Variants in PTPRD observed in about 807,000 individuals in gnomAD.
PTPRD encodes protein tyrosine phosphatase receptor type D, also known as receptor-type tyrosine-protein phosphatase delta.
In PTPRD, 34 loss-of-function variants were observed where a neutral mutation model predicts 214.5. That is an observed-to-expected ratio of 0.16 (90% CI 0.12 to 0.21). PTPRD has a LOEUF of 0.21. Among genes scored for constraint, PTPRD ranks in the 10% least tolerant of loss-of-function variants. The pLI, the probability that PTPRD is intolerant of heterozygous loss-of-function variation, is 1.00. For synonymous variants in PTPRD, 1,128 were observed against 845.7 expected, an observed-to-expected ratio of 1.33 and a Z score of -5.79; for missense variants, 2,545 against 2,398.7, an observed-to-expected ratio of 1.06 and a Z score of -1.27.
chr9:9,859,526 T>C (rs1475973259), intron 5 of PTPRD, among the ~76,000 whole-genome samples: 4 of 152,182 alleles, frequency 2.6e-5, no homozygotes, highest in Non-Finnish European at 1.5e-5. Flanking sequence ...CCAAAATAAG[T>C]TTATAATAAT....
intron 7 of PTPRD, among the ~76,000 whole-genome samples, chr9:9,681,091 T>C (rs993844624): frequency 9.9e-5 from 15 of 151,880 alleles, no homozygotes; most frequent in Non-Finnish European, 2.1e-4. Flanking sequence ...TAAGCATATG[T>C]TAGAGTCAAA....
intron 3 of PTPRD, among the ~76,000 whole-genome samples, chr9:10,337,343 C>G (rs983358270): frequency 6.6e-6 from 1 of 151,552 alleles, no homozygotes; most frequent in African/African-American, 2.4e-5. Flanking sequence ...TGCTATTCAA[C>G]GTAGCACACT....
At chr9:10,304,767 A>G (rs990410730) in intron 3 of PTPRD, among the ~76,000 whole-genome samples, 1 of 152,226 alleles carries the variant, frequency 6.6e-6, no homozygotes, top group African/African-American at 2.4e-5. Context: ...GAGGACACAA[A>G]CAATTGGAAA....
intron 35 of PTPRD, among the ~76,000 whole-genome samples, chr9:8,408,812 C>A (rs1364836332): frequency 6.6e-6 from 1 of 152,146 alleles, no homozygotes; most frequent in East Asian, 1.9e-4. Flanking sequence ...ACGCTAACAA[C>A]AGATCTTCAA....
intron 3 of PTPRD, among the ~76,000 whole-genome samples, chr9:10,230,609 A>G (rs1326581705): frequency 2.0e-5 from 3 of 151,940 alleles, no homozygotes; most frequent in Non-Finnish European, 4.4e-5. Flanking sequence ...CCTAAACACT[A>G]AGTGAAGCCA....
chr9:9,363,338 T>C (rs1306328546), intron 9 of PTPRD, among the ~76,000 whole-genome samples: 1 of 151,250 alleles, frequency 6.6e-6, no homozygotes, highest in Non-Finnish European at 1.5e-5. Flanking sequence ...AATCCTCATA[T>C]ACAAGCTGGC....
At chr9:10,103,108 G>C (rs561719896) in intron 3 of PTPRD, among the ~76,000 whole-genome samples, 143 of 151,576 alleles carry the variant, frequency 9.4e-4, no homozygotes, top group African/African-American at 3.4e-3. Context: ...TCGGTCTATA[G>C]ACCTAGTATA....
chr9:8,693,813 C>A (rs2097855552), intron 12 of PTPRD, among the ~76,000 whole-genome samples: 1 of 152,194 alleles, frequency 6.6e-6, no homozygotes, highest in South Asian at 2.1e-4. Context: ...AAAACACTTC[C>A]ACAACAAAAC....
intron 5 of PTPRD, among the ~76,000 whole-genome samples, chr9:9,866,718 C>G (rs1249070468): frequency 1.3e-5 from 2 of 152,024 alleles, no homozygotes; most frequent in African/African-American, 4.8e-5. Flanking sequence ...TGAATACGCC[C>G]TTGTGGAAAA....
chr9:9,562,925 C>T (rs1003352768), intron 8 of PTPRD, among the ~76,000 whole-genome samples: 7 of 152,150 alleles, frequency 4.6e-5, no homozygotes, highest in East Asian at 3.9e-4. Flanking sequence ...ACATCTTTGC[C>T]GCTTGTATTT....
chr9:9,263,841 CTATT>C (rs1410149539), intron 9 of PTPRD, among the ~76,000 whole-genome samples: 11 of 151,682 alleles, frequency 7.3e-5, no homozygotes, highest in Admixed American at 1.3e-4. Flanking sequence ...GAAAAACTAC[CTATT>C]AGTTACTATG....
At chr9:9,228,929 T>C (rs180903605) in intron 9 of PTPRD, among the ~76,000 whole-genome samples, 4 of 152,156 alleles carry the variant, frequency 2.6e-5, no homozygotes, top group African/African-American at 4.8e-5. Flanking sequence ...TTTATGTATG[T>C]ACATTACCAC....
chr9:9,928,016 A>G (rs942688936), intron 5 of PTPRD, among the ~76,000 whole-genome samples: 1 of 152,162 alleles, frequency 6.6e-6, no homozygotes, highest in African/African-American at 2.4e-5. Context: ...ATATTCTTAA[A>G]TGACTAATGA....
chr9:10,290,353 T>C (rs1453810888), intron 3 of PTPRD, among the ~76,000 whole-genome samples: 1 of 152,146 alleles, frequency 6.6e-6, no homozygotes, highest in African/African-American at 2.4e-5. Flanking sequence ...TTTTTCATAC[T>C]GCAACGATCT....
intron 3 of PTPRD, among the ~76,000 whole-genome samples, chr9:10,115,134 C>G (rs140197524): frequency 4.6e-5 from 7 of 151,492 alleles, no homozygotes; most frequent in African/African-American, 1.7e-4. Flanking sequence ...AGTAAAAATA[C>G]GAGGATTAAA....
At chr9:8,690,820 T>C (rs1217100147) in intron 12 of PTPRD, among the ~76,000 whole-genome samples, 1 of 152,180 alleles carries the variant, frequency 6.6e-6, no homozygotes, top group Non-Finnish European at 1.5e-5. Context: ...TTACTTAATT[T>C]CAATTTTCAA....
chr9:10,253,443 G>A (rs933385408), intron 3 of PTPRD, among the ~76,000 whole-genome samples: 2 of 152,184 alleles, frequency 1.3e-5, no homozygotes, highest in African/African-American at 4.8e-5. Context: ...AAACTTTGAT[G>A]GTAAACATCC....
intron 8 of PTPRD, among the ~76,000 whole-genome samples, chr9:9,527,509 T>A (rs1010563760): frequency 1.1e-4 from 17 of 152,170 alleles, no homozygotes; most frequent in African/African-American, 2.4e-4. Flanking sequence ...TTTGCTAGAT[T>A]TTTTAGGGGA....
intron 11 of PTPRD, among the ~76,000 whole-genome samples, chr9:8,886,013 A>G (rs1195517479): frequency 1.3e-5 from 2 of 152,200 alleles, no homozygotes; most frequent in African/African-American, 4.8e-5. Flanking sequence ...AATATTTACT[A>G]TGACACACCT....
Sources: gnomAD v4.1 joint callset for allele counts (sites outside exome capture counted in the v4.1 genomes callset) on GRCh38, gnomAD v4.1.1 for gene constraint, MANE v1.5 for transcripts, NCBI Gene and HGNC (gene_info 2026-07-23, HGNC 2026-07-21) for gene names.